Variants in PABPC4L observed in about 807,000 individuals in gnomAD.
PABPC4L encodes poly(A) binding protein cytoplasmic 4 like, also known as polyadenylate-binding protein 4-like.
For missense variants in PABPC4L, 452 were observed against 451.4 expected (o/e 1.00, Z -0.01); for synonymous variants, 169 against 164.1 (o/e 1.03, Z -0.23).
At chr4:134,120,237 T>G in the PABPC4L span, among the ~76,000 whole-genome samples, 1 of 143,864 alleles carries the variant, frequency 7.0e-6, no homozygotes, top group Non-Finnish European at 1.5e-5. Flanking sequence ...AACCAGCACT[T>G]GGTATTGCAT....
Position 134,200,582 on chromosome 4 carries a change from G to GT in PABPC4L, c.437dup (p.Asn146LysfsTer10). The GT allele has an allele frequency of 6.4e-7, 1 of 1,551,572 alleles. No individual in the cohort carries two copies. The highest frequency in any genetic ancestry group is 1.7e-4 in the Middle Eastern group (1 of 5,992). On this transcript the variant is annotated frameshift_variant, in exon 2 of 2. Transcript: ENST00000421491. LOFTEE classifies it low-confidence loss of function (END_TRUNC). ...CAATGGCCCTGTCTGCAGCACTCTGGTTCTGAAAGTGCACAAATGCATAGC... is the reference window on the plus strand; with the variant it reads ...CAATGGCCCTGTCTGCAGCACTCTGGTTTCTGAAAGTGCACAAATGCATAGC...
At chr4:134,097,000 G>A in the PABPC4L span, among the ~76,000 whole-genome samples, 4 of 152,010 alleles carry the variant, frequency 2.6e-5, no homozygotes, top group East Asian at 7.8e-4. Context: ...CAGATGGTGG[G>A]AAAATCACCT....
chr4:134,079,406 C>G, the PABPC4L span, among the ~76,000 whole-genome samples: 4 of 81,796 alleles, frequency 4.9e-5, no homozygotes, highest in Admixed American at 1.4e-4. Flanking sequence ...CGGTGAAACC[C>G]CATCTTTACT....
At chr4:134,165,482 G>A in the PABPC4L span, among the ~76,000 whole-genome samples, 7 of 152,036 alleles carry the variant, frequency 4.6e-5, no homozygotes, top group African/African-American at 1.7e-4. Context: ...CAGATGACAC[G>A]AGTAGACATT....
chr4:134,034,040 T>C, the PABPC4L span, among the ~76,000 whole-genome samples: 1 of 151,918 alleles, frequency 6.6e-6, no homozygotes, highest in Admixed American at 6.6e-5. Flanking sequence ...TGCTTCCAAG[T>C]TTCAAGGGAC....
At chr4:134,159,261 T>C in the PABPC4L span, among the ~76,000 whole-genome samples, 1 of 152,122 alleles carries the variant, frequency 6.6e-6, no homozygotes, top group Non-Finnish European at 1.5e-5. Context: ...CAGAGCACAA[T>C]GGCCAAATAG....
the PABPC4L span, among the ~76,000 whole-genome samples, chr4:133,964,632 G>C: frequency 1.3e-5 from 2 of 151,988 alleles, no homozygotes; most frequent in Admixed American, 1.3e-4. Flanking sequence ...GATCAAGTGG[G>C]TTTCATACCA....
the PABPC4L span, among the ~76,000 whole-genome samples, chr4:134,024,719 T>C: frequency 5.5e-4 from 79 of 143,262 alleles, no homozygotes; most frequent in African/African-American, 2.0e-3. Flanking sequence ...CCTTTAGTTC[T>C]CAGATTCAAT....
At chr4:134,087,179 C>T in the PABPC4L span, among the ~76,000 whole-genome samples, 1 of 151,872 alleles carries the variant, frequency 6.6e-6, no homozygotes, top group South Asian at 2.1e-4. Context: ...TGGAACCAAC[C>T]CAAATGTCCA....
chr4:134,068,559 A>G, the PABPC4L span, among the ~76,000 whole-genome samples: 15 of 152,072 alleles, frequency 9.9e-5, no homozygotes, highest in Non-Finnish European at 1.8e-4. Context: ...TGATCATGTC[A>G]TCATGTTGTT....
the PABPC4L span, among the ~76,000 whole-genome samples, chr4:133,965,480 TG>T: frequency 6.6e-6 from 1 of 152,038 alleles, no homozygotes; most frequent in Non-Finnish European, 1.5e-5. Flanking sequence ...AAAATTCATA[TG>T]GAACCAAAAA....
the PABPC4L span, among the ~76,000 whole-genome samples, chr4:133,987,424 T>C: frequency 6.6e-6 from 1 of 152,180 alleles, no homozygotes; most frequent in Non-Finnish European, 1.5e-5. Flanking sequence ...AAAGTCCATC[T>C]CTTCTCCTAC....
At chr4:133,965,527 T>C in the PABPC4L span, among the ~76,000 whole-genome samples, 1 of 151,586 alleles carries the variant, frequency 6.6e-6, no homozygotes, top group Non-Finnish European at 1.5e-5. Flanking sequence ...TAAACAAAAA[T>C]AACAAATCTG....
chr4:134,139,756 C>T, the PABPC4L span, among the ~76,000 whole-genome samples: 6 of 151,476 alleles, frequency 4.0e-5, no homozygotes, highest in African/African-American at 1.5e-4. Flanking sequence ...AACTCCTGGC[C>T]TCAAGTGATC....
At chr4:133,998,993 C>T in the PABPC4L span, among the ~76,000 whole-genome samples, 1 of 152,034 alleles carries the variant, frequency 6.6e-6, no homozygotes, top group Non-Finnish European at 1.5e-5. Flanking sequence ...GGTGTCCACC[C>T]TATACCCAGA....
chr4:134,087,732 A>G, the PABPC4L span, among the ~76,000 whole-genome samples: 1 of 152,064 alleles, frequency 6.6e-6, no homozygotes, highest in Non-Finnish European at 1.5e-5. Context: ...CTTCCTCATC[A>G]AGGGACTTTG....
At chr4:134,134,609 C>T in the PABPC4L span, among the ~76,000 whole-genome samples, 1 of 150,936 alleles carries the variant, frequency 6.6e-6, no homozygotes, top group East Asian at 1.9e-4. Context: ...TAAATTTATA[C>T]AATACAATCT....
the PABPC4L span, among the ~76,000 whole-genome samples, chr4:134,055,038 T>A: frequency 1.9e-4 from 29 of 152,058 alleles, no homozygotes; most frequent in African/African-American, 7.0e-4. Context: ...GGGTTTGGTG[T>A]TAGTAATGAT....
At chr4:134,004,503 A>C in the PABPC4L span, among the ~76,000 whole-genome samples, 1 of 151,886 alleles carries the variant, frequency 6.6e-6, no homozygotes, top group Non-Finnish European at 1.5e-5. Flanking sequence ...ATGTGGAGAG[A>C]TCCTATGTAC....
Sources: gnomAD v4.1 joint callset for allele counts (sites outside exome capture counted in the v4.1 genomes callset) on GRCh38, gnomAD v4.1.1 for gene constraint, MANE v1.5 for transcripts, NCBI Gene and HGNC (gene_info 2026-07-23, HGNC 2026-07-21) for gene names.